ROBO2: variants seen among roughly 807,000 people sequenced by gnomAD.
The protein encoded by ROBO2 is roundabout guidance receptor 2, also known as roundabout homolog 2.
A neutral mutation model predicts 160.8 loss-of-function variants in ROBO2; 53 were observed. The ratio of observed to expected loss-of-function variants is 0.33; its 90% CI spans 0.26 to 0.41. The LOEUF (loss-of-function observed/expected upper bound fraction) is 0.41, where lower values mean the gene tolerates loss of function less well. Among genes scored for constraint, ROBO2 ranks in the 10% least tolerant of loss-of-function variants. ROBO2 has a pLI of 1.00. For synonymous variants in ROBO2, 664 were observed against 611.7 expected (o/e 1.09, Z -1.26); for missense variants, 1,577 against 1,722.4 (o/e 0.92, Z 1.49).
chr3:76,374,634 GT>G (rs1396308189), intron 2 of ROBO2, among the ~76,000 whole-genome samples: 1 of 151,928 alleles, frequency 6.6e-6, no homozygotes, highest in Non-Finnish European at 1.5e-5. Context: ...CCTTGTAAAT[GT>G]TTTTCTTTCT....
intron 2 of ROBO2, among the ~76,000 whole-genome samples, chr3:76,703,422 T>G (rs986541123): frequency 9.9e-5 from 15 of 152,148 alleles, no homozygotes; most frequent in African/African-American, 3.6e-4. Flanking sequence ...ACGTGCAGGT[T>G]TGTTACATAA....
chr3:76,186,699 A>G (rs920374548), intron 2 of ROBO2, among the ~76,000 whole-genome samples: 2 of 152,066 alleles, frequency 1.3e-5, no homozygotes, highest in African/African-American at 4.8e-5. Context: ...TCTTGTCCTC[A>G]TATCTGTCTC....
intron 2 of ROBO2, among the ~76,000 whole-genome samples, chr3:76,666,458 A>G (rs1204249606): frequency 3.3e-5 from 5 of 152,100 alleles, no homozygotes; most frequent in Non-Finnish European, 1.5e-5. Context: ...TTTTTATTTT[A>G]TATCGAACAG....
chr3:77,348,416 C>T (rs903630497), intron 2 of ROBO2, among the ~76,000 whole-genome samples: 5 of 152,038 alleles, frequency 3.3e-5, no homozygotes, highest in Non-Finnish European at 7.4e-5. Context: ...CACCAGAGGT[C>T]ACTCTCATCA....
chr3:77,593,692 G>A (rs1025609538), intron 17 of ROBO2, among the ~76,000 whole-genome samples: 8 of 152,124 alleles, frequency 5.3e-5, no homozygotes, highest in Non-Finnish European at 1.2e-4. Context: ...CCTTAAAGGA[G>A]GGACTTCATT....
chr3:77,428,687 G>T (rs1440189297), intron 2 of ROBO2, among the ~76,000 whole-genome samples: 1 of 152,124 alleles, frequency 6.6e-6, no homozygotes, highest in African/African-American at 2.4e-5. Context: ...TTCCTTGGAT[G>T]CTTGTAGAAT....
chr3:77,558,088 C>G, exon 9 of ROBO2: 1 of 1,613,032 alleles, frequency 6.2e-7, no homozygotes, highest in East Asian at 2.2e-5. Context: ...TTTACTTTTC[C>G]GGGTAGAGAT....
intron 2 of ROBO2, among the ~76,000 whole-genome samples, chr3:76,008,818 T>C (rs906969257): frequency 1.3e-5 from 2 of 152,076 alleles, no homozygotes; most frequent in Admixed American, 1.3e-4. Context: ...AAAGCATACG[T>C]ATTTGTTTAA....
chr3:75,967,582 C>T (rs1949161640), intron 2 of ROBO2, among the ~76,000 whole-genome samples: 1 of 151,486 alleles, frequency 6.6e-6, no homozygotes, highest in South Asian at 2.1e-4. Context: ...GGCCCTTACA[C>T]ATTTATTTAT....
At chr3:77,573,555 G>A (rs2093688865) in intron 13 of ROBO2, among the ~76,000 whole-genome samples, 1 of 152,022 alleles carries the variant, frequency 6.6e-6, no homozygotes, top group South Asian at 2.1e-4. Flanking sequence ...TGGTAAATTA[G>A]TAAAAGTTTT....
intron 2 of ROBO2, among the ~76,000 whole-genome samples, chr3:76,769,366 TGA>T (rs2061754403): frequency 2.6e-5 from 4 of 151,198 alleles, no homozygotes; most frequent in Non-Finnish European, 5.9e-5. Flanking sequence ...ATGATGATGA[TGA>T]TGATGATACT....
intron 2 of ROBO2, among the ~76,000 whole-genome samples, chr3:77,200,265 TTTTATATA>T (rs1268190603): frequency 2.1e-3 from 124 of 59,046 alleles, no homozygotes; most frequent in East Asian, 7.7e-3. Context: ...AACTAACATA[TTTTATATA>T]TATATATATA....
chr3:77,020,326 T>C (rs187111091), intron 2 of ROBO2, among the ~76,000 whole-genome samples: 7 of 152,324 alleles, frequency 4.6e-5, no homozygotes, highest in Admixed American at 4.6e-4. Flanking sequence ...TATAAAAGCA[T>C]TGGAAAATAG....
intron 6 of ROBO2, among the ~76,000 whole-genome samples, chr3:77,544,299 A>T (rs1225522948): frequency 6.6e-6 from 1 of 152,164 alleles, no homozygotes; most frequent in Non-Finnish European, 1.5e-5. Flanking sequence ...GGAAATAACA[A>T]GAAGATTGTA....
intron 2 of ROBO2, among the ~76,000 whole-genome samples, chr3:76,634,465 G>A (rs910322195): frequency 6.6e-5 from 10 of 152,204 alleles, no homozygotes; most frequent in African/African-American, 2.4e-4. Flanking sequence ...CTACTCAGGA[G>A]GCTGAGGCAG....
intron 2 of ROBO2, among the ~76,000 whole-genome samples, chr3:76,311,590 A>G (rs1418719800): frequency 2.0e-5 from 3 of 152,208 alleles, no homozygotes; most frequent in African/African-American, 4.8e-5. Flanking sequence ...TCTGTTATTG[A>G]TATCAATATA....
At chr3:77,188,073 G>A (rs757032905) in intron 2 of ROBO2, among the ~76,000 whole-genome samples, 3 of 151,702 alleles carry the variant, frequency 2.0e-5, no homozygotes, top group Non-Finnish European at 2.9e-5. Context: ...AACATAAGAA[G>A]TCCTAGATCT....
intron 2 of ROBO2, among the ~76,000 whole-genome samples, chr3:76,780,429 T>G (rs956224413): frequency 6.6e-6 from 1 of 150,996 alleles, no homozygotes; most frequent in Admixed American, 6.6e-5. Flanking sequence ...GCTTTTTAGT[T>G]TGATGTCATC....
intron 2 of ROBO2, among the ~76,000 whole-genome samples, chr3:76,091,851 T>C (rs2069250503): frequency 6.6e-6 from 1 of 152,134 alleles, no homozygotes; most frequent in Non-Finnish European, 1.5e-5. Context: ...TAATTCCAAC[T>C]ATATGATCTT....
Sources: gnomAD v4.1 joint callset for allele counts (sites outside exome capture counted in the v4.1 genomes callset) on GRCh38, gnomAD v4.1.1 for gene constraint, MANE v1.5 for transcripts, NCBI Gene and HGNC (gene_info 2026-07-23, HGNC 2026-07-21) for gene names.